The following DENND1B variants were observed in gnomAD, a reference collection of about 807,000 sequenced individuals.
The protein encoded by DENND1B is DENN domain-containing protein 1B.
A neutral mutation model predicts 90.1 loss-of-function variants in DENND1B; 59 were observed. That is an observed-to-expected ratio of 0.65 (90% CI 0.53 to 0.81). The LOEUF (loss-of-function observed/expected upper bound fraction) is 0.81. Ranked by LOEUF, DENND1B falls within the 40% of genes least tolerant of loss-of-function variation. The pLI is 0.00. For synonymous variants in DENND1B, 337 were observed against 324.6 expected (o/e 1.04, Z -0.41); for missense variants, 862 against 912.6 (o/e 0.94, Z 0.71).
chr1:197,653,689 T>C (rs1005646020), intron 6 of DENND1B, among the ~76,000 whole-genome samples: 5 of 152,182 alleles, frequency 3.3e-5, no homozygotes, highest in African/African-American at 9.6e-5. Flanking sequence ...ATATAAATTT[T>C]CTCATAGCTA....
intron 10 of DENND1B, among the ~76,000 whole-genome samples, chr1:197,632,457 A>G (rs1301611161): frequency 6.6e-6 from 1 of 152,246 alleles, no homozygotes; most frequent in South Asian, 2.1e-4. Context: ...ATATTGAAGT[A>G]AACTCTGTAG....
At chr1:197,755,031 C>T (rs1004904129) in intron 2 of DENND1B, among the ~76,000 whole-genome samples, 3 of 152,122 alleles carry the variant, frequency 2.0e-5, no homozygotes, top group African/African-American at 2.4e-5. Context: ...TATTTGGCTA[C>T]CCTAACTTCC....
chr1:197,772,038 A>G (rs1656680287), intron 2 of DENND1B, among the ~76,000 whole-genome samples: 1 of 152,162 alleles, frequency 6.6e-6, no homozygotes. Flanking sequence ...AACCCTTCCA[A>G]GTAATTTCAC....
At chr1:197,571,496 TC>T (rs1364977537) in intron 15 of DENND1B, among the ~76,000 whole-genome samples, 1 of 152,214 alleles carries the variant, frequency 6.6e-6, no homozygotes, top group Non-Finnish European at 1.5e-5. Flanking sequence ...CAAAACTGAT[TC>T]CTTCTTTAGA....
chr1:197,595,360 T>C, intron 13 of DENND1B, 27 bp from the exon 14 acceptor site: 2 of 1,608,766 alleles, frequency 1.2e-6, no homozygotes, highest in Non-Finnish European at 1.7e-6. Context: ...AACAGTTAAA[T>C]TAACACCTCA....
At chr1:197,544,939 A>G (rs200967875) in intron 18 of DENND1B, among the ~76,000 whole-genome samples, 2 of 262 alleles carry the variant, frequency 7.6e-3, no homozygotes, top group Admixed American at 0.038. Context: ...GAAGAAGAAG[A>G]AGGGAGAAGA....
chr1:197,638,856 T>C (rs1253856219), intron 10 of DENND1B, among the ~76,000 whole-genome samples: 1 of 109,782 alleles, frequency 9.1e-6, no homozygotes, highest in Non-Finnish European at 1.9e-5. Flanking sequence ...AACAGAATAA[T>C]GTATGAATCA....
intron 2 of DENND1B, among the ~76,000 whole-genome samples, chr1:197,738,721 G>C (rs1052609298): frequency 6.6e-6 from 1 of 152,170 alleles, no homozygotes; most frequent in Non-Finnish European, 1.5e-5. Context: ...TTCCAGCCAA[G>C]AGAAAGTACA....
intron 10 of DENND1B, among the ~76,000 whole-genome samples, chr1:197,632,623 G>T (rs1679427085): frequency 6.6e-6 from 1 of 152,044 alleles, no homozygotes; most frequent in African/African-American, 2.4e-5. Flanking sequence ...ATGCACAAAT[G>T]AATAAATACT....
intron 14 of DENND1B, among the ~76,000 whole-genome samples, chr1:197,586,302 AT>A (rs1674689694): frequency 1.3e-5 from 2 of 152,226 alleles, no homozygotes; most frequent in Non-Finnish European, 1.5e-5. Context: ...TTCAGACTAA[AT>A]TTTTTTAGGA....
At chr1:197,734,433 C>G (rs1467385083) in intron 2 of DENND1B, 1 of 984,598 alleles carries the variant, frequency 1.0e-6, no homozygotes, top group East Asian at 1.1e-4. Context: ...GTAATTTAAA[C>G]CAATAGCAAC....
At chr1:197,731,796 A>G (rs529801901) in intron 2 of DENND1B, among the ~76,000 whole-genome samples, 1 of 152,302 alleles carries the variant, frequency 6.6e-6, no homozygotes, top group African/African-American at 2.4e-5. Flanking sequence ...TGCAGCCTGC[A>G]GGCCATAGGT....
At chr1:197,716,205 A>G (rs1005790396) in intron 2 of DENND1B, among the ~76,000 whole-genome samples, 4 of 151,960 alleles carry the variant, frequency 2.6e-5, no homozygotes, top group Non-Finnish European at 5.9e-5. Context: ...CATTTTTAGC[A>G]TGAGCTGGCT....
chr1:197,515,495 GTATA>G (rs1408241337), intron 20 of DENND1B, among the ~76,000 whole-genome samples: 1 of 151,720 alleles, frequency 6.6e-6, no homozygotes, highest in African/African-American at 2.4e-5. Flanking sequence ...ACTGAGCTCT[GTATA>G]TGCTTGGCTT....
chr1:197,776,659 TAAAA>T (rs1268315698), upstream of DENND1B, among the ~76,000 whole-genome samples: 1 of 152,136 alleles, frequency 6.6e-6, no homozygotes, highest in Non-Finnish European at 1.5e-5. Flanking sequence ...TCTTAAGAAT[TAAAA>T]AACTCAAGAG....
chr1:197,740,099 G>A (rs1454895217), intron 2 of DENND1B, among the ~76,000 whole-genome samples: 8 of 152,192 alleles, frequency 5.3e-5, no homozygotes, highest in African/African-American at 1.7e-4. Context: ...AGGAGAGTGC[G>A]ATTTTAATTC....
intron 12 of DENND1B, among the ~76,000 whole-genome samples, chr1:197,609,508 C>A (rs1242119230): frequency 1.3e-5 from 2 of 150,390 alleles, no homozygotes; most frequent in Non-Finnish European, 3.0e-5. Context: ...AGTTTTCAGG[C>A]AGAACAAAAT....
intron 7 of DENND1B, among the ~76,000 whole-genome samples, chr1:197,650,144 C>G (rs1028619507): frequency 6.6e-6 from 1 of 152,034 alleles, no homozygotes; most frequent in African/African-American, 2.4e-5. Flanking sequence ...AACTCAAAAC[C>G]ACAATGTGAT....
At chr1:197,696,805 C>G (rs1658474664) in intron 3 of DENND1B, among the ~76,000 whole-genome samples, 1 of 150,660 alleles carries the variant, frequency 6.6e-6, no homozygotes, top group African/African-American at 2.4e-5. Context: ...TCCAGCCACT[C>G]TACTAGATGT....
Sources: gnomAD v4.1 joint callset for allele counts (sites outside exome capture counted in the v4.1 genomes callset) on GRCh38, gnomAD v4.1.1 for gene constraint, MANE v1.5 for transcripts, NCBI Gene and HGNC (gene_info 2026-07-23, HGNC 2026-07-21) for gene names.